The following MAPKAP1 variants were observed in gnomAD, a reference collection of about 807,000 sequenced individuals.
MAPKAP1 encodes the protein target of rapamycin complex 2 subunit MAPKAP1.
MAPKAP1 carries 20 observed loss-of-function variants against 65.7 expected under a neutral mutation model. The ratio of observed to expected loss-of-function variants is 0.30; its 90% confidence interval spans 0.21 to 0.44. MAPKAP1 has a LOEUF of 0.44. Ranked by LOEUF, MAPKAP1 falls within the 20% of genes least tolerant of loss-of-function variation. The pLI is 1.00. For missense variants in MAPKAP1, 423 were observed against 648.0 expected (o/e 0.65, Z 3.77); for synonymous variants, 222 against 244.3 (o/e 0.91, Z 0.85).
chr9:125,532,845 A>G (rs1239611920), intron 7 of MAPKAP1, among the ~76,000 whole-genome samples: 2 of 152,236 alleles, frequency 1.3e-5, no homozygotes, highest in African/African-American at 4.8e-5. Flanking sequence ...ATGTACATGT[A>G]CCAGACTAAA....
intron 1 of MAPKAP1, among the ~76,000 whole-genome samples, chr9:125,683,606 G>C (rs1834887586): frequency 6.6e-6 from 1 of 152,282 alleles, no homozygotes; most frequent in East Asian, 1.9e-4. Context: ...ACCTGAGAGA[G>C]ATTGGAAGAT....
chr9:125,611,339 A>T (rs1832594186), intron 4 of MAPKAP1, among the ~76,000 whole-genome samples: 1 of 152,222 alleles, frequency 6.6e-6, no homozygotes, highest in Non-Finnish European at 1.5e-5. Flanking sequence ...TGAGGAGAGA[A>T]TCTGTTAGGA....
intron 10 of MAPKAP1, among the ~76,000 whole-genome samples, chr9:125,461,676 T>G (rs1853499229): frequency 6.6e-6 from 1 of 152,188 alleles, no homozygotes; most frequent in Admixed American, 6.5e-5. Flanking sequence ...AACTGGGGCA[T>G]TAATATGTGA....
At chr9:125,677,811 T>C (rs971924244) in intron 1 of MAPKAP1, among the ~76,000 whole-genome samples, 1 of 152,244 alleles carries the variant, frequency 6.6e-6, no homozygotes, top group African/African-American at 2.4e-5. Flanking sequence ...TCACACTTTT[T>C]AACACCACGT....
intron 4 of MAPKAP1, among the ~76,000 whole-genome samples, chr9:125,619,616 GA>G (rs1832840406): frequency 6.6e-6 from 1 of 151,920 alleles, no homozygotes; most frequent in South Asian, 2.1e-4. Context: ...TTAACAGAGA[GA>G]AATCAGGAAC....
chr9:125,511,814 C>T (rs1420889111), intron 7 of MAPKAP1, among the ~76,000 whole-genome samples: 1 of 152,200 alleles, frequency 6.6e-6, no homozygotes, highest in Non-Finnish European at 1.5e-5. Flanking sequence ...GCGCATGAAG[C>T]CGCATACCCT....
intron 1 of MAPKAP1, among the ~76,000 whole-genome samples, chr9:125,693,868 CACACAT>C (rs1428850291): frequency 2.6e-5 from 4 of 151,192 alleles, no homozygotes; most frequent in Admixed American, 6.6e-5. Context: ...CACACACACA[CACACAT>C]ATATATATAG....
chr9:125,554,793 T>TC (rs1491551931), intron 6 of MAPKAP1, among the ~76,000 whole-genome samples: 4 of 23,734 alleles, frequency 1.7e-4, no homozygotes, highest in African/African-American at 2.7e-4. Flanking sequence ...AAGACACTTA[T>TC]CAAAAAAAAA....
rs534357406 is a variant in MAPKAP1 at position 125,674,913 on chromosome 9, A to C, written c.-69-2270T>G. Among the ~76,000 whole-genome samples the C allele has an allele frequency of 2.0e-5, 3 of 152,308 alleles. No homozygotes were observed. The East Asian group carries it at 5.8e-4, about 29-fold the overall frequency. Reference sequence around the variant, plus strand: ...TTCCTTTAAGCATCAAATTTCTGAGATATCTGGTCCCTGAAGTATTAGTGT... The same window carrying C: ...TTCCTTTAAGCATCAAATTTCTGAGCTATCTGGTCCCTGAAGTATTAGTGT... On this transcript the variant is annotated intron_variant, in intron 1 of 11. Coordinates refer to ENST00000265960, the MANE Select transcript of MAPKAP1 (RefSeq NM_001006617.3).
chr9:125,484,575 C>T lies in MAPKAP1; in HGVS notation c.1075G>A (p.Ala359Thr), dbSNP rs1044235635. 1.2e-6 allele frequency: 2 copies of T among 1,608,560 alleles called. No individual in the cohort carries two copies. Reference protein sequence around the residue: ...FCLVRENSSRADGVFEEDSQI... With the variant: ...FCLVRENSSRTDGVFEEDSQI... ...GAATCCTCCTCAAAAACCCCGTCTG[C>T]CCTTGAACCTGGGGAGGAAAAGGCA... Residue 359 changes from alanine to threonine, a missense_variant, in exon 9 of 12, where the codon GCA becomes ACA. Transcript: ENST00000265960.
intron 1 of MAPKAP1, among the ~76,000 whole-genome samples, chr9:125,700,775 C>A (rs1010588992): frequency 1.3e-5 from 2 of 152,180 alleles, no homozygotes; most frequent in Non-Finnish European, 2.9e-5. Flanking sequence ...AAACAAGTAT[C>A]TACAAGACCA....
intron 8 of MAPKAP1, among the ~76,000 whole-genome samples, chr9:125,496,192 A>C (rs1854939416): frequency 6.6e-6 from 1 of 152,236 alleles, no homozygotes; most frequent in Non-Finnish European, 1.5e-5. Flanking sequence ...ACCAGTCCAC[A>C]TTAACCAGAG....
At chr9:125,659,676 G>A (rs1490257735) in intron 3 of MAPKAP1, among the ~76,000 whole-genome samples, 1 of 147,374 alleles carries the variant, frequency 6.8e-6, no homozygotes. Context: ...TTCTCTTACT[G>A]AATTAGTCAC....
Position 125,574,920 on chromosome 9 carries a change from G to A in MAPKAP1, c.671+10635C>T, listed in dbSNP as rs377051816. 7.2e-5 allele frequency among the ~76,000 whole-genome samples: 11 copies of A among 152,286 alleles called. No individual in the cohort carries two copies. In the East Asian group the frequency reaches 1.7e-3, roughly 24 times the overall value. ...TAAGTAATTCATTTAAAATCATCCT[G>A]CTAGTAGGCGTTAACACCAGAATTA... On this transcript the variant is annotated intron_variant, in intron 5 of 11. Coordinates refer to ENST00000265960, the MANE Select transcript of MAPKAP1 (RefSeq NM_001006617.3).
chr9:125,538,660 C>T (rs1830144633), intron 7 of MAPKAP1, among the ~76,000 whole-genome samples: 1 of 152,136 alleles, frequency 6.6e-6, no homozygotes, highest in South Asian at 2.1e-4. Flanking sequence ...CTAAACTGTT[C>T]ATAGCTTAAA....
At chr9:125,441,285 GGC>G (rs1564511788) in intron 11 of MAPKAP1, among the ~76,000 whole-genome samples, 2 of 152,212 alleles carry the variant, frequency 1.3e-5, no homozygotes, top group Non-Finnish European at 2.9e-5. Context: ...GACCACCCAT[GGC>G]TTAGCTCAGT....
At position 125,533,136 on chromosome 9, in the gene MAPKAP1, G is replaced by A. The variant is rs564416766; in HGVS notation, c.958+9923C>T. On this transcript the variant is annotated intron_variant, in intron 7 of 11. Coordinates refer to ENST00000265960, the MANE Select transcript of MAPKAP1 (RefSeq NM_001006617.3). ...CTGCTTTGGCAGGAAGTGAGGTGGG[G>A]ACGAGCTGTATTCTAAACTATAGAG... Among the ~76,000 whole-genome samples the A allele has an allele frequency of 3.9e-4, 59 of 152,268 alleles. 1 individual carries two copies. The highest frequency in any genetic ancestry group is 3.4e-3 in the Middle Eastern group (1 of 294).
intron 4 of MAPKAP1, among the ~76,000 whole-genome samples, chr9:125,638,266 C>G (rs1160869550): frequency 6.6e-6 from 1 of 152,106 alleles, no homozygotes; most frequent in Non-Finnish European, 1.5e-5. Context: ...GAGAGACCAG[C>G]CTGGAAGGTG....
intron 9 of MAPKAP1, among the ~76,000 whole-genome samples, chr9:125,482,761 G>A (rs1167478064): frequency 6.6e-6 from 1 of 152,084 alleles, no homozygotes; most frequent in Non-Finnish European, 1.5e-5. Context: ...ATGACATTAG[G>A]TGAGGACTTA....
Sources: allele counts gnomAD v4.1 joint callset (sites outside exome capture counted in the v4.1 genomes callset), GRCh38; gene constraint gnomAD v4.1.1; transcripts MANE v1.5; gene names NCBI Gene and HGNC (gene_info 2026-07-23, HGNC 2026-07-21).